Variants in PYHIN1 observed in about 807,000 individuals in gnomAD.
PYHIN1 encodes pyrin and HIN domain family member 1.
Under a neutral mutation model 43.7 loss-of-function variants are expected in PYHIN1, and 32 were observed. The observed-to-expected ratio is 0.73, with a 90% confidence interval of 0.55 to 0.98. The LOEUF is 0.98. Ranked by LOEUF, PYHIN1 falls within the 50% of genes least tolerant of loss-of-function variation. The pLI, the probability that PYHIN1 is intolerant of heterozygous loss-of-function variation, is 0.00. For synonymous variants in PYHIN1, 205 were observed against 203.1 expected (o/e 1.01, Z -0.08); for missense variants, 588 against 589.5 (o/e 1.00, Z 0.03).
At chr1:158,932,594 A>G (rs1454710879) in intron 1 of PYHIN1, among the ~76,000 whole-genome samples, 1 of 152,236 alleles carries the variant, frequency 6.6e-6, no homozygotes, top group Non-Finnish European at 1.5e-5. Context: ...ACACAAAAAC[A>G]TATGTGAGAA....
At chr1:158,931,891 GGCT>G (rs1367810506) in intron 1 of PYHIN1, 115 bp downstream of exon 1, 3 of 152,098 alleles carry the variant, frequency 2.0e-5, no homozygotes, top group African/African-American at 7.2e-5. Context: ...AGGGCAGTAG[GGCT>G]GGTATCAACT....
At chr1:158,940,494 C>T (rs1304856701) in intron 4 of PYHIN1, among the ~76,000 whole-genome samples, 2 of 152,050 alleles carry the variant, frequency 1.3e-5, no homozygotes, top group Non-Finnish European at 2.9e-5. Context: ...TTCTGATAAT[C>T]CTTATAATGC....
intron 2 of PYHIN1, 22 bp from the exon 3 acceptor site, chr1:158,938,375 A>G (rs945291096): frequency 1.2e-6 from 2 of 1,613,748 alleles, no homozygotes; most frequent in Non-Finnish European, 1.7e-6. Flanking sequence ...GGGTTTATAC[A>G]TCTTCCTTTT....
chr1:158,971,203 C>G (rs185718224), intron 7 of PYHIN1, among the ~76,000 whole-genome samples: 61 of 152,068 alleles, frequency 4.0e-4, no homozygotes, highest in Admixed American at 2.3e-3. Context: ...TCTTTCAGCA[C>G]TTTCCTTCCA....
chr1:158,975,359 G>T (rs967901358), intron 8 of PYHIN1, among the ~76,000 whole-genome samples: 19 of 152,046 alleles, frequency 1.2e-4, no homozygotes, highest in African/African-American at 4.6e-4. Flanking sequence ...GCCCAGAATG[G>T]TTGGGAAAAC....
In PYHIN1 at chr1:158,931,634, T is replaced by A. The variant is rs1401641490; in HGVS notation, c.-163T>A. ...TTGTCTTTGAAAATACTTCATTTTC[T>A]TAGCATTTCAGGAGATTATAACATC... On this transcript the variant is annotated 5_prime_UTR_variant, in exon 1 of 9. Coordinates refer to ENST00000368140, the MANE Select transcript of PYHIN1 (RefSeq NM_152501.5). 1 of 152,252 alleles carries A rather than the reference T, an allele frequency of 6.6e-6. No individual in the cohort carries two copies. Among genetic ancestry groups the A allele is most frequent in the Non-Finnish European group, 1.5e-5 (1 of 68,046 alleles). 9.4% of individuals were successfully genotyped at this position (152,252 alleles called of 1,614,324 possible).
intron 7 of PYHIN1, among the ~76,000 whole-genome samples, chr1:158,957,218 T>C (rs1445007506): frequency 6.9e-6 from 1 of 145,240 alleles, no homozygotes; most frequent in South Asian, 2.3e-4. Flanking sequence ...CCCATCAAGC[T>C]ACCAATGACT....
At chr1:158,970,316 C>G (rs1265378263) in intron 7 of PYHIN1, among the ~76,000 whole-genome samples, 1 of 151,892 alleles carries the variant, frequency 6.6e-6, no homozygotes. Flanking sequence ...TTAGGGGGTA[C>G]AAGTGCAGAT....
the PYHIN1 span, among the ~76,000 whole-genome samples, chr1:158,985,322 A>G: frequency 6.6e-6 from 1 of 152,190 alleles, no homozygotes; most frequent in Non-Finnish European, 1.5e-5. Flanking sequence ...GCACTCCCTG[A>G]AGGACCTCTT....
chr1:158,944,745 AG>A (rs1343216846), intron 6 of PYHIN1, 129 bp from the exon 7 acceptor site: 2 of 627,572 alleles, frequency 3.2e-6, no homozygotes, highest in African/African-American at 3.8e-5. Flanking sequence ...GGAATACATT[AG>A]ATAGAGGCAA....
chr1:158,943,794 T>C lies in PYHIN1; in HGVS notation c.1007T>C (p.Ile336Thr). The change falls in exon 6 of 9, where the codon ATT becomes ACT. Residue 336 changes from isoleucine to threonine, a missense_variant. Ile to Thr is a moderately conservative substitution (Grantham distance 89). Transcript: ENST00000368140. Reference protein sequence around the residue: ...VYGLFMLHTKIVNRKTTIYEI... With the variant: ...VYGLFMLHTKTVNRKTTIYEI... ...GATATTAATTTTTTGTTGCAGAAAA[T>C]TGTAAATAGGAAGACGACAATCTAT... 1.3e-6 allele frequency: 2 copies of C among 1,592,204 alleles called. No homozygotes were observed. The highest frequency in any genetic ancestry group is 1.7e-6 in the Non-Finnish European group (2 of 1,166,030).
intron 8 of PYHIN1, among the ~76,000 whole-genome samples, chr1:158,976,453 TG>T (rs1651263473): frequency 6.6e-6 from 1 of 152,058 alleles, no homozygotes; most frequent in Non-Finnish European, 1.5e-5. Context: ...TGACATCTCC[TG>T]CCCTTTCACG....
the PYHIN1 span, among the ~76,000 whole-genome samples, chr1:158,987,314 A>C: frequency 6.6e-6 from 1 of 152,212 alleles, no homozygotes; most frequent in African/African-American, 2.4e-5. Context: ...GATGACTAAT[A>C]ATGTCAAGCA....
intron 7 of PYHIN1, among the ~76,000 whole-genome samples, chr1:158,958,785 T>C (rs1359430475): frequency 7.7e-6 from 1 of 129,404 alleles, no homozygotes; most frequent in Non-Finnish European, 1.6e-5. Flanking sequence ...AAAAATAAAT[T>C]AAAAAAAAAA....
chr1:158,953,436 C>G (rs1649705094), intron 7 of PYHIN1, among the ~76,000 whole-genome samples: 1 of 150,664 alleles, frequency 6.6e-6, no homozygotes, highest in East Asian at 1.9e-4. Flanking sequence ...CAAGGGGGTC[C>G]CTGACCCCTG....
chr1:158,965,919 A>G (rs1650606039), intron 7 of PYHIN1, among the ~76,000 whole-genome samples: 1 of 152,134 alleles, frequency 6.6e-6, no homozygotes, highest in Admixed American at 6.6e-5. Flanking sequence ...GAGATGTGAA[A>G]AAAACAGACA....
chr1:158,937,832 G>GCTA (rs1648651025), intron 2 of PYHIN1, among the ~76,000 whole-genome samples: 1 of 151,990 alleles, frequency 6.6e-6, no homozygotes, highest in African/African-American at 2.4e-5. Context: ...TGTAGTCCCA[G>GCTA]CTACTCGGAG....
At chr1:158,969,835 T>G (rs891980246) in intron 7 of PYHIN1, among the ~76,000 whole-genome samples, 7 of 136,066 alleles carry the variant, frequency 5.1e-5, no homozygotes, top group African/African-American at 1.9e-4. Context: ...TTCATAGGAA[T>G]TATTCTGCTG....
chr1:158,979,250 C>T (rs907075391), downstream of PYHIN1, among the ~76,000 whole-genome samples: 1 of 152,172 alleles, frequency 6.6e-6, no homozygotes, highest in African/African-American at 2.4e-5. Context: ...ATCTACAGAG[C>T]TTATTCATCT....
Sources: allele counts gnomAD v4.1 joint callset (sites outside exome capture counted in the v4.1 genomes callset), GRCh38; gene constraint gnomAD v4.1.1; transcripts MANE v1.5; gene names NCBI Gene and HGNC (gene_info 2026-07-23, HGNC 2026-07-21).